Variants in CHN2 observed in about 807,000 individuals in gnomAD.
The protein encoded by CHN2 is chimerin 2.
A neutral mutation model predicts 56.3 loss-of-function variants in CHN2; 35 were observed. The observed-to-expected ratio is 0.62, with a 90% CI of 0.47 to 0.82. The LOEUF (loss-of-function observed/expected upper bound fraction) is 0.82. CHN2 is among the 40% of genes least tolerant of loss of function. The pLI is 0.00. For missense variants in CHN2, 491 were observed against 580.5 expected, an observed-to-expected ratio of 0.85 and a Z score of 1.58; for synonymous variants, 210 against 212.8, an observed-to-expected ratio of 0.99 and a Z score of 0.12.
At chr7:29,470,451 G>C (rs756604568) in intron 6 of CHN2, among the ~76,000 whole-genome samples, 2 of 152,170 alleles carry the variant, frequency 1.3e-5, no homozygotes, top group African/African-American at 4.8e-5. Context: ...AGCACAGTAG[G>C]GATTGGAGAT....
intron 6 of CHN2, among the ~76,000 whole-genome samples, chr7:29,419,394 A>G (rs548373205): frequency 6.6e-6 from 1 of 152,338 alleles, no homozygotes; most frequent in Non-Finnish European, 1.5e-5. Flanking sequence ...AAGAAAATAT[A>G]GGGGAAAGCT....
intron 1 of CHN2, among the ~76,000 whole-genome samples, chr7:29,269,815 T>C (rs1790468349): frequency 6.6e-6 from 1 of 152,158 alleles, no homozygotes; most frequent in Non-Finnish European, 1.5e-5. Flanking sequence ...ACGGTGTGGC[T>C]CCCATCATAG....
At chr7:29,262,944 C>A (rs1162566013) in intron 1 of CHN2, among the ~76,000 whole-genome samples, 1 of 151,370 alleles carries the variant, frequency 6.6e-6, no homozygotes, top group Admixed American at 6.6e-5. Flanking sequence ...TAAAATAAAT[C>A]GTGAAGATGG....
chr7:29,332,468 A>G (rs913201286), intron 1 of CHN2, among the ~76,000 whole-genome samples: 6 of 152,182 alleles, frequency 3.9e-5, no homozygotes, highest in African/African-American at 7.2e-5. Context: ...TAGGAACCGT[A>G]CTATGAATTT....
intron 6 of CHN2, among the ~76,000 whole-genome samples, chr7:29,425,144 A>G (rs950601455): frequency 3.9e-5 from 6 of 152,240 alleles, no homozygotes; most frequent in Non-Finnish European, 7.3e-5. Flanking sequence ...CTGTCCCTCT[A>G]GCAATGATAG....
In CHN2 at chr7:29,194,955, G is replaced by A. The variant is rs1189565844; in HGVS notation, c.14G>A (p.Ser5Asn). 5 of 1,576,104 alleles carry A rather than the reference G, an allele frequency of 3.2e-6. No individual in the cohort carries two copies. The highest frequency in any genetic ancestry group is 1.8e-5 in the Admixed American group (1 of 55,498). ...GGGCGCGCGGAGATGGCAGCGTCCA[G>A]CAACTCCAGCCTGTCCGGCTCGTCG... MAAS[S>N]NSSLSGSSVS... The change falls in exon 1 of 13, where the codon AGC (serine) becomes AAC (asparagine). Residue 5 changes from serine to asparagine, a missense_variant. Transcript: ENST00000222792.
At chr7:29,239,493 T>A (rs1465287386) in intron 1 of CHN2, among the ~76,000 whole-genome samples, 2 of 152,118 alleles carry the variant, frequency 1.3e-5, no homozygotes, top group East Asian at 1.9e-4. Context: ...GCTGGAGATA[T>A]GAAATTTTAC....
At chr7:29,260,341 T>G (rs766657029) in intron 1 of CHN2, among the ~76,000 whole-genome samples, 2 of 152,212 alleles carry the variant, frequency 1.3e-5, no homozygotes, top group Non-Finnish European at 2.9e-5. Flanking sequence ...AAATATCAGG[T>G]ACTTTATTTT....
chr7:29,154,676 AT>A (rs1288429017), intron 2 of CHN2, among the ~76,000 whole-genome samples: 1 of 152,114 alleles, frequency 6.6e-6, no homozygotes, highest in African/African-American at 2.4e-5. Flanking sequence ...TCTACTAAAA[AT>A]AAAAAAAATT....
chr7:29,212,590 G>T (rs1785038576), intron 1 of CHN2: 1 of 1,408,942 alleles, frequency 7.1e-7, no homozygotes, highest in Non-Finnish European at 1.0e-6. Flanking sequence ...AGAAACAGAA[G>T]ACCAGAACTG....
At chr7:29,166,126 G>A (rs934717267) in intron 2 of CHN2, among the ~76,000 whole-genome samples, 2 of 152,002 alleles carry the variant, frequency 1.3e-5, no homozygotes, top group Admixed American at 6.6e-5. Flanking sequence ...GATTTCCTGG[G>A]CTCAAGTGAC....
intron 9 of CHN2, among the ~76,000 whole-genome samples, chr7:29,501,833 T>C (rs574331908): frequency 1.2e-4 from 19 of 152,204 alleles, no homozygotes; most frequent in Non-Finnish European, 2.4e-4. Flanking sequence ...TTATGTTCAT[T>C]TGTCTCTGCG....
chr7:29,416,796 ATATG>A (rs796316361), intron 6 of CHN2, among the ~76,000 whole-genome samples: 74 of 152,184 alleles, frequency 4.9e-4, no homozygotes, highest in African/African-American at 1.7e-3. Flanking sequence ...ATGTATATGT[ATATG>A]TATATTTCCA....
chr7:29,227,075 A>G (rs1379980970), intron 1 of CHN2, among the ~76,000 whole-genome samples: 1 of 152,142 alleles, frequency 6.6e-6, no homozygotes, highest in East Asian at 1.9e-4. Context: ...TTGTTAGACT[A>G]TTCTAGGCCT....
At chr7:29,341,752 T>C (rs73684860) in intron 1 of CHN2, among the ~76,000 whole-genome samples, 10,926 of 152,316 alleles carry the variant, frequency 0.072, 626 homozygotes, top group African/African-American at 0.15. Flanking sequence ...TGTTCTATCA[T>C]TGAAGCAGAC....
chr7:29,491,258 C>A (rs1554302701), intron 7 of CHN2, among the ~76,000 whole-genome samples: 1 of 151,966 alleles, frequency 6.6e-6, no homozygotes, highest in Non-Finnish European at 1.5e-5. Flanking sequence ...ATCTAAAAAT[C>A]TTTTTTTGTG....
intron 1 of CHN2, among the ~76,000 whole-genome samples, chr7:29,255,724 C>T (rs1278128035): frequency 1.3e-5 from 2 of 152,104 alleles, no homozygotes; most frequent in African/African-American, 2.4e-5. Context: ...TGATGTCTCC[C>T]TTCTCATCTT....
Position 29,428,923 on chromosome 7 carries a change from G to A in CHN2, c.576+28095G>A, listed in dbSNP as rs191008438. On this transcript the variant is annotated intron_variant, in intron 6 of 12. Coordinates refer to ENST00000222792, the MANE Select transcript of CHN2 (RefSeq NM_004067.4). ...GATGCAATGATGTAAATCCTGAGAGGCTTTTCTGGTCAGCTGGAAAATGAG... is the reference window on the plus strand; with the variant it reads ...GATGCAATGATGTAAATCCTGAGAGACTTTTCTGGTCAGCTGGAAAATGAG... 1.8e-3 allele frequency among the ~76,000 whole-genome samples: 281 copies of A among 152,244 alleles called. 1 individual carries two copies. The highest frequency in any genetic ancestry group is 6.5e-3 in the African/African-American group (270 of 41,524).
chr7:29,198,890 A>T (rs1783938246), intron 1 of CHN2, among the ~76,000 whole-genome samples: 1 of 152,226 alleles, frequency 6.6e-6, no homozygotes, highest in African/African-American at 2.4e-5. Flanking sequence ...AAAACATTAA[A>T]TATTAAAGGA....
Sources: gnomAD v4.1 joint callset for allele counts (sites outside exome capture counted in the v4.1 genomes callset) on GRCh38, gnomAD v4.1.1 for gene constraint, MANE v1.5 for transcripts, NCBI Gene and HGNC (gene_info 2026-07-23, HGNC 2026-07-21) for gene names.